The following GON4L variants were observed in gnomAD, a reference collection of about 807,000 sequenced individuals.
GON4L encodes the protein gon-4 like, also known as GON-4-like protein.
Under a neutral mutation model 211.8 loss-of-function variants are expected in GON4L, and 87 were observed. The ratio of observed to expected loss-of-function variants is 0.41; its 90% CI spans 0.35 to 0.49. The LOEUF is 0.49. Ranked by LOEUF, GON4L falls within the 20% of genes least tolerant of loss-of-function variation. The pLI is 0.15. For missense variants in GON4L, 2,155 were observed against 2,659.5 expected (o/e 0.81, Z 4.17); for synonymous variants, 875 against 962.6 (o/e 0.91, Z 1.68).
intron 24 of GON4L, among the ~76,000 whole-genome samples, chr1:155,759,417 C>G (rs956446884): frequency 1.3e-5 from 2 of 151,978 alleles, no homozygotes; most frequent in African/African-American, 2.4e-5. Context: ...ACTAAAAATA[C>G]AAAATTAGCC....
intron 11 of GON4L, among the ~76,000 whole-genome samples, chr1:155,801,384 T>G (rs1258191347): frequency 6.6e-6 from 1 of 152,126 alleles, no homozygotes; most frequent in Non-Finnish European, 1.5e-5. Context: ...TATCAGTTGC[T>G]AATTATGAAG....
intron 6 of GON4L, among the ~76,000 whole-genome samples, chr1:155,819,812 C>G (rs1354990951): frequency 6.6e-6 from 1 of 152,196 alleles, no homozygotes; most frequent in African/African-American, 2.4e-5. Context: ...CTTTAGTATT[C>G]AAAAGAATTA....
chr1:155,748,380 C>G (rs890604815), downstream of GON4L: 1 of 1,601,334 alleles, frequency 6.2e-7, no homozygotes, highest in South Asian at 1.1e-5. Flanking sequence ...CCAAGTGCCC[C>G]TCTTGGTGTC....
At chr1:155,810,706 C>CA (rs34418869) in intron 10 of GON4L, among the ~76,000 whole-genome samples, 169 of 106,848 alleles carry the variant, frequency 1.6e-3, no homozygotes, top group South Asian at 5.7e-3. Context: ...GACTCCGTCT[C>CA]AAAAAAAAAA....
rs1662374757 is a variant in GON4L, at chr1:155,765,621, C to T, written c.3852G>A (p.Glu1284=). 6.2e-7 allele frequency: 1 copy of T among 1,614,228 alleles called. No individual in the cohort carries two copies. The highest frequency in any genetic ancestry group is 2.2e-5 in the East Asian group (1 of 44,886). Residue 1284 remains glutamate (E), a synonymous_variant, in exon 21 of 32, where the codon GAG becomes GAA. Coordinates refer to ENST00000368331, the MANE Select transcript of GON4L (RefSeq NM_001282860.2). ...ADAECQEGLS[E]NSACRWTVVK... ...CAACGGTCCAGCGACAGGCACTATTCTCTGACAATCCTTCTTGGCACTCTG... is the reference window on the plus strand; with the variant it reads ...CAACGGTCCAGCGACAGGCACTATTTTCTGACAATCCTTCTTGGCACTCTG...
chr1:155,808,624 TTTTC>T (rs1178873391), intron 10 of GON4L, among the ~76,000 whole-genome samples: 1 of 152,094 alleles, frequency 6.6e-6, no homozygotes, highest in Non-Finnish European at 1.5e-5. Flanking sequence ...AAGAGGCCTT[TTTTC>T]TTTTTGTTTT....
intron 11 of GON4L, among the ~76,000 whole-genome samples, chr1:155,797,855 G>GAA (rs113490241): frequency 3.8e-5 from 4 of 104,752 alleles, no homozygotes; most frequent in Non-Finnish European, 6.1e-5. Flanking sequence ...CATCTAACAA[G>GAA]AAAAAAAAAA....
intron 2 of GON4L, among the ~76,000 whole-genome samples, chr1:155,834,759 G>C (rs1176507093): frequency 2.6e-5 from 4 of 152,108 alleles, no homozygotes; most frequent in African/African-American, 9.7e-5. Context: ...GGTTTAAAAG[G>C]GGAGGGACTC....
chr1:155,821,265 C>CA (rs993550200), intron 5 of GON4L, among the ~76,000 whole-genome samples: 21 of 145,182 alleles, frequency 1.4e-4, no homozygotes, highest in Admixed American at 7.6e-4. Context: ...GACTCCGTCT[C>CA]AAAAAAAAAT....
At chr1:155,804,905 A>G in intron 11 of GON4L, 44 bp downstream of exon 11, 1 of 1,409,368 alleles carries the variant, frequency 7.1e-7, no homozygotes, top group Non-Finnish European at 1.0e-6. Context: ...ATTTTACAAC[A>G]GATAATGGAC....
intron 2 of GON4L, among the ~76,000 whole-genome samples, chr1:155,828,154 TCACACACA>T (rs55858311): frequency 1.4e-5 from 2 of 147,254 alleles, no homozygotes; most frequent in East Asian, 2.0e-4. Context: ...CAAGACACTG[TCACACACA>T]CACACACACA....
chr1:155,765,120 T>C lies in GON4L; in HGVS notation c.4353A>G (p.Gly1451=). 2 of 1,614,182 alleles carry C rather than the reference T, an allele frequency of 1.2e-6. No individual in the cohort carries two copies. Among genetic ancestry groups the C allele is most frequent in the Non-Finnish European group, 1.7e-6 (2 of 1,180,030 alleles). ...SVGTPVGPET[G]GEKNGPEEEE... ...CTTCTTCTGGCCCATTCTTCTCTCC[T>C]CCAGTTTCTGGCCCAACTGGAGTCC... The change falls in exon 21 of 32, where the codon GGA becomes GGG. Residue 1451 remains glycine (G), a synonymous_variant. Coordinates refer to ENST00000368331, the MANE Select transcript of GON4L (RefSeq NM_001282860.2).
rs756975667 is a variant in GON4L at position 155,757,051 on chromosome 1, C to T, written c.5424G>A (p.Leu1808=). Residue 1808 remains leucine, a synonymous_variant, in exon 27 of 32, where the codon CTG becomes CTA. Transcript: ENST00000368331. ...YEFDGFEEVA[L]PDVEEEEEPP... is the part of the protein sequence containing the mutation. ...GCTCCTCCTCTTCTTCCACATCAGG[C>T]AGGGCCACTTCTTCAAAGCCATCAA... 2 of 1,613,872 alleles carry T rather than the reference C, an allele frequency of 1.2e-6. No homozygotes were observed. Among genetic ancestry groups the T allele is most frequent in the African/African-American group, 1.3e-5 (1 of 75,022 alleles).
chr1:155,820,610 C>A lies in GON4L; in HGVS notation c.1010G>T (p.Gly337Val). ...RSKLKEVVEKGVVIPTWNISP... is the reference protein window; with the variant it reads ...RSKLKEVVEKVVVIPTWNISP... ...ACAAAAAAACAGAATACTTACCACT[C>A]CTTTTTCCACTACTTCCTTCAGTTT... The change falls in exon 6 of 32, where the codon GGA becomes GTA. Residue 337 changes from glycine (G) to valine (V), a missense_variant. Gly to Val is a moderately radical substitution (Grantham distance 109). Around this residue, in one of 6 missense-constraint regions of GON4L, gnomAD observed 551 missense variants for 854.0 expected, o/e 0.65. Transcript: ENST00000368331. 1 of 1,606,366 alleles carries A rather than the reference C, an allele frequency of 6.2e-7. No homozygotes were observed. The highest frequency in any genetic ancestry group is 8.5e-7 in the Non-Finnish European group (1 of 1,173,130).
chr1:155,834,342 T>A (rs557665145), intron 2 of GON4L, among the ~76,000 whole-genome samples: 1 of 152,292 alleles, frequency 6.6e-6, no homozygotes, highest in South Asian at 2.1e-4. Flanking sequence ...AGTTGTTCCT[T>A]CTCTGTTATC....
intron 12 of GON4L, among the ~76,000 whole-genome samples, chr1:155,788,800 G>GA (rs902176190): frequency 8.6e-5 from 13 of 150,892 alleles, no homozygotes; most frequent in Non-Finnish European, 1.6e-4. Flanking sequence ...CTGTGATTAA[G>GA]AAAAAAAAAG....
intron 11 of GON4L, among the ~76,000 whole-genome samples, chr1:155,799,839 C>T (rs1397925931): frequency 6.6e-6 from 1 of 152,182 alleles, no homozygotes; most frequent in Admixed American, 6.6e-5. Flanking sequence ...CTACCAATAA[C>T]GCTAGGAGAA....
intron 10 of GON4L, among the ~76,000 whole-genome samples, chr1:155,812,282 G>A (rs1169152295): frequency 6.6e-6 from 1 of 151,972 alleles, no homozygotes; most frequent in Non-Finnish European, 1.5e-5. Flanking sequence ...CTGAATCTAA[G>A]AGGAAATATT....
chr1:155,794,988 A>C, intron 12 of GON4L, 62 bp downstream of exon 12: 2 of 963,078 alleles, frequency 2.1e-6, no homozygotes, highest in East Asian at 2.4e-5. Flanking sequence ...AAAAATCTAC[A>C]AAGTAAACAA....
Sources: gnomAD v4.1 joint callset for allele counts (sites outside exome capture counted in the v4.1 genomes callset) on GRCh38, gnomAD v4.1.1 for gene constraint, gnomAD v4.1.1 regional missense constraint, MANE v1.5 for transcripts, NCBI Gene and HGNC (gene_info 2026-07-23, HGNC 2026-07-21) for gene names.